PDE1C: variants seen among roughly 807,000 people sequenced by gnomAD.
PDE1C encodes phosphodiesterase 1C.
PDE1C carries 62 observed loss-of-function variants against 93.1 expected under a neutral mutation model. The ratio of observed to expected loss-of-function variants is 0.67; its 90% CI spans 0.54 to 0.82. The LOEUF is 0.82. Ranked by LOEUF, PDE1C falls within the 40% of genes least tolerant of loss-of-function variation. PDE1C has a pLI of 0.00. For missense variants in PDE1C, 742 were observed against 884.6 expected (o/e 0.84, Z 2.04); for synonymous variants, 325 against 310.1 (o/e 1.05, Z -0.50).
intron 2 of PDE1C, among the ~76,000 whole-genome samples, chr7:32,048,101 T>C (rs954520981): frequency 3.9e-5 from 6 of 152,206 alleles, no homozygotes; most frequent in Non-Finnish European, 5.9e-5. Flanking sequence ...TTTAAAATTG[T>C]CTACCATTCA....
intron 1 of PDE1C, among the ~76,000 whole-genome samples, chr7:32,323,873 A>T (rs1234535595): frequency 2.0e-5 from 3 of 152,154 alleles, no homozygotes; most frequent in Non-Finnish European, 2.9e-5. Context: ...AGCTCCAAGC[A>T]TCCTGTGCTG....
intron 1 of PDE1C, among the ~76,000 whole-genome samples, chr7:32,348,700 T>C (rs1783900751): frequency 6.6e-6 from 1 of 152,094 alleles, no homozygotes; most frequent in South Asian, 2.1e-4. Context: ...CTATAGACAA[T>C]AGACTCAGCT....
At chr7:32,228,044 C>G (rs1807422452) in intron 1 of PDE1C, among the ~76,000 whole-genome samples, 1 of 152,220 alleles carries the variant, frequency 6.6e-6, no homozygotes, top group South Asian at 2.1e-4. Context: ...CCAAAATCAC[C>G]CAGCCACGCT....
At chr7:32,276,860 A>G (rs1179341402) in intron 1 of PDE1C, among the ~76,000 whole-genome samples, 1 of 152,190 alleles carries the variant, frequency 6.6e-6, no homozygotes, top group East Asian at 1.9e-4. Context: ...TATAAGACAG[A>G]AAGAACAAAA....
intron 1 of PDE1C, among the ~76,000 whole-genome samples, chr7:32,287,698 C>T (rs1446890273): frequency 6.6e-6 from 1 of 152,222 alleles, no homozygotes; most frequent in African/African-American, 2.4e-5. Context: ...AAGGCCAGGT[C>T]ATGGAAGGCC....
intron 17 of PDE1C, among the ~76,000 whole-genome samples, chr7:31,761,025 T>G (rs1794800734): frequency 6.6e-6 from 1 of 152,230 alleles, no homozygotes; most frequent in Non-Finnish European, 1.5e-5. Flanking sequence ...TGAGATTTGA[T>G]CCTGTGATTT....
chr7:32,420,874 G>A (rs1023481139), intron 1 of PDE1C, among the ~76,000 whole-genome samples: 2 of 152,042 alleles, frequency 1.3e-5, no homozygotes, highest in African/African-American at 2.4e-5. Context: ...GTGAGAGTCC[G>A]TTTTCCTGAT....
intron 2 of PDE1C, among the ~76,000 whole-genome samples, chr7:32,050,834 T>C (rs1189746580): frequency 6.6e-6 from 1 of 152,164 alleles, no homozygotes; most frequent in African/African-American, 2.4e-5. Flanking sequence ...AAATCGCATA[T>C]GCACTGAAAA....
intron 2 of PDE1C, among the ~76,000 whole-genome samples, chr7:31,916,074 A>G (rs1801866584): frequency 6.6e-6 from 1 of 152,124 alleles, no homozygotes; most frequent in Non-Finnish European, 1.5e-5. Flanking sequence ...TGAGGGTCTC[A>G]TGACCTGCCT....
chr7:31,657,522 A>G, the PDE1C span, among the ~76,000 whole-genome samples: 2 of 152,310 alleles, frequency 1.3e-5, no homozygotes, highest in South Asian at 4.2e-4. Flanking sequence ...GATGAGTTCC[A>G]CCACATAGGA....
At chr7:32,395,779 T>A (rs1199809753) in intron 1 of PDE1C, among the ~76,000 whole-genome samples, 7 of 152,170 alleles carry the variant, frequency 4.6e-5, no homozygotes, top group Admixed American at 4.6e-4. Flanking sequence ...GTTAGAGATA[T>A]AATAAAATTT....
At chr7:31,780,439 G>C (rs1783319415) in intron 16 of PDE1C, among the ~76,000 whole-genome samples, 1 of 152,140 alleles carries the variant, frequency 6.6e-6, no homozygotes, top group African/African-American at 2.4e-5. Context: ...ATTAACATTT[G>C]CCCTGGTTTG....
intron 2 of PDE1C, among the ~76,000 whole-genome samples, chr7:31,946,071 T>C (rs559560823): frequency 6.6e-6 from 1 of 152,316 alleles, no homozygotes; most frequent in South Asian, 2.1e-4. Flanking sequence ...TATTATTGCA[T>C]GTTGTCTACT....
At chr7:32,242,329 G>A (rs1303197043) in intron 1 of PDE1C, among the ~76,000 whole-genome samples, 1 of 152,154 alleles carries the variant, frequency 6.6e-6, no homozygotes, top group Non-Finnish European at 1.5e-5. Flanking sequence ...ATTGTTGAAG[G>A]TGGGCATCTA....
At chr7:31,787,277 T>C (rs1784102565) in intron 16 of PDE1C, 1 of 152,150 alleles carries the variant, frequency 6.6e-6, no homozygotes, top group Non-Finnish European at 1.5e-5. Context: ...AGATCCACAA[T>C]GGGATCCTGT....
intron 2 of PDE1C, among the ~76,000 whole-genome samples, chr7:31,987,623 T>C (rs891536317): frequency 6.6e-6 from 1 of 152,180 alleles, no homozygotes; most frequent in African/African-American, 2.4e-5. Context: ...GATAATAAAA[T>C]ATCCCCTTCC....
chr7:31,976,334 CTT>C (rs1490322736), intron 2 of PDE1C, among the ~76,000 whole-genome samples: 1 of 152,150 alleles, frequency 6.6e-6, no homozygotes, highest in African/African-American at 2.4e-5. Flanking sequence ...GAAGAGGAAA[CTT>C]GTGATCTTCA....
intron 2 of PDE1C, among the ~76,000 whole-genome samples, chr7:32,029,393 C>G (rs1470304729): frequency 6.6e-6 from 1 of 152,110 alleles, no homozygotes; most frequent in Non-Finnish European, 1.5e-5. Context: ...TACCTGCACT[C>G]CCATGTTCAA....
intron 1 of PDE1C, among the ~76,000 whole-genome samples, chr7:32,422,804 G>T (rs186393844): frequency 6.6e-6 from 1 of 152,254 alleles, no homozygotes; most frequent in Non-Finnish European, 1.5e-5. Context: ...CACTGGTAAA[G>T]GATCATAAGT....
Sources: allele counts gnomAD v4.1 joint callset (sites outside exome capture counted in the v4.1 genomes callset), GRCh38; gene constraint gnomAD v4.1.1; transcripts MANE v1.5; gene names NCBI Gene and HGNC (gene_info 2026-07-23, HGNC 2026-07-21).